The following DCHS2 variants were observed in gnomAD, a reference collection of about 807,000 sequenced individuals.
The protein encoded by DCHS2 is dachsous cadherin-related 2, also known as protocadherin-23.
In DCHS2, 142 loss-of-function variants were observed where a neutral mutation model predicts 182.4. The ratio of observed to expected loss-of-function variants is 0.78; its 90% confidence interval spans 0.68 to 0.89. The LOEUF is 0.89. DCHS2 is among the 40% of genes least tolerant of loss of function. The pLI is 0.00. For missense variants in DCHS2, 4,319 were observed against 4,198.6 expected (o/e 1.03, Z -0.79); for synonymous variants, 1,740 against 1,663.3 (o/e 1.05, Z -1.12).
chr4:154,461,591 T>C (rs1735011165), intron 1 of DCHS2, among the ~76,000 whole-genome samples: 1 of 152,120 alleles, frequency 6.6e-6, no homozygotes, highest in Non-Finnish European at 1.5e-5. Context: ...AGATCATAAC[T>C]TAGAATAGAA....
In DCHS2 at chr4:154,234,804, G is replaced by A; in HGVS notation, c.9848C>T (p.Ala3283Val). ...SFVFPPPLIT[A>V]VAQPGIKAVP... ...TGCTTTAATCCCAGGCTGGGCTACT[G>A]CTGTTATCAAAGGGGGTGGAAAAAC... The change falls in exon 20 of 20, where the codon GCA becomes GTA. Residue 3283 changes from alanine (A) to valine (V), a missense_variant. Ala to Val is a moderately conservative substitution (Grantham distance 64, BLOSUM62 0). Transcript: ENST00000357232. The A allele has an allele frequency of 2.5e-6, 4 of 1,614,032 alleles. No individual in the cohort carries two copies. The highest frequency in any genetic ancestry group is 2.5e-6 in the Non-Finnish European group (3 of 1,179,948).
At chr4:154,246,616 G>T (rs1469109665) in intron 16 of DCHS2, among the ~76,000 whole-genome samples, 1 of 151,982 alleles carries the variant, frequency 6.6e-6, no homozygotes, top group African/African-American at 2.4e-5. Flanking sequence ...AGGAACAAAA[G>T]AAAATTTAAA....
At chr4:154,467,186 A>T (rs1410266311) in intron 1 of DCHS2, among the ~76,000 whole-genome samples, 1 of 152,204 alleles carries the variant, frequency 6.6e-6, no homozygotes, top group African/African-American at 2.4e-5. Flanking sequence ...AAATCCATTT[A>T]TATGTTTATG....
At chr4:154,307,620 G>T (rs1735499321) in intron 10 of DCHS2, among the ~76,000 whole-genome samples, 2 of 152,144 alleles carry the variant, frequency 1.3e-5, no homozygotes, top group African/African-American at 4.8e-5. Flanking sequence ...AGGTCCTGGG[G>T]CTTTCTGCCA....
chr4:154,415,104 T>C (rs1732781901), intron 1 of DCHS2, among the ~76,000 whole-genome samples: 1 of 152,232 alleles, frequency 6.6e-6, no homozygotes, highest in South Asian at 2.1e-4. Flanking sequence ...CAGTATCATT[T>C]AGTTATACTA....
At chr4:154,334,358 A>G (rs1728676168) in intron 4 of DCHS2, 2 of 154,362 alleles carry the variant, frequency 1.3e-5, no homozygotes, top group African/African-American at 2.4e-5. Flanking sequence ...CTCAAGTACT[A>G]TTTGGACTAG....
Position 154,490,045 on chromosome 4 carries a change from A to G in DCHS2, c.1311T>C (p.Ala437=). The G allele has an allele frequency of 1.3e-6, 2 of 1,547,834 alleles. No individual in the cohort carries two copies. The highest frequency in any genetic ancestry group is 1.7e-6 in the Non-Finnish European group (2 of 1,146,802). The change falls in exon 1 of 20, where the codon GCT becomes GCC. Residue 437 remains alanine (A), a synonymous_variant. Coordinates refer to ENST00000357232, the MANE Select transcript of DCHS2 (RefSeq NM_001358235.2). ...SEGARPGDYV[A]RVSVSDADGD... Reference sequence around the variant, plus strand: ...CGTCCGCGTCAGACACCGAGACGCGAGCCACGTAGTCGCCCGGTCGGGCGC... The same window carrying G: ...CGTCCGCGTCAGACACCGAGACGCGGGCCACGTAGTCGCCCGGTCGGGCGC...
chr4:154,328,104 G>A lies in DCHS2; in HGVS notation c.4007C>T (p.Ser1336Leu). 1 of 1,600,592 alleles carries A rather than the reference G, an allele frequency of 6.2e-7. No individual in the cohort carries two copies. Among genetic ancestry groups the A allele is most frequent in the Non-Finnish European group, 8.5e-7 (1 of 1,173,366 alleles). ...DEGNNAEVTYSVSSEDSSDHF... is the reference protein window; with the variant it reads ...DEGNNAEVTYLVSSEDSSDHF... ...ACAGTAAGTTTTACCTGAAGATACT[G>A]AGTATGTAACTTCTGCATTATTTCC... is the stretch of plus-strand genomic sequence containing the variant. Residue 1336 changes from serine (S) to leucine (L), a missense_variant, in exon 7 of 20, where the codon TCA becomes TTA. Ser to Leu is a moderately radical substitution (Grantham distance 145). Coordinates refer to ENST00000357232, the MANE Select transcript of DCHS2 (RefSeq NM_001358235.2).
chr4:154,255,368 G>T, intron 16 of DCHS2, 151 bp downstream of exon 16: 5 of 1,119,460 alleles, frequency 4.5e-6, no homozygotes, highest in Non-Finnish European at 5.9e-6. Flanking sequence ...ATATCAAAAA[G>T]AGTAGATCAA....
rs115278089 is a variant in DCHS2 at position 154,462,437 on chromosome 4, G to T, written c.2052+26867C>A. Among the ~76,000 whole-genome samples the T allele has an allele frequency of 3.2e-3, 487 of 152,264 alleles. 1 individual carries two copies. The highest frequency in any genetic ancestry group is 0.01 in the Middle Eastern group (3 of 294). On this transcript the variant is annotated intron_variant, in intron 1 of 19. Coordinates refer to ENST00000357232, the MANE Select transcript of DCHS2 (RefSeq NM_001358235.2). ...TGCTCATCACAAACATGTAAGGTAG[G>T]TAAGAAAGATGGCGTCATTATTTAT...
intron 16 of DCHS2, 66 bp from the exon 17 acceptor site, chr4:154,242,838 T>A: frequency 6.6e-7 from 1 of 1,519,244 alleles, no homozygotes; most frequent in Non-Finnish European, 8.8e-7. Flanking sequence ...AACATAAATA[T>A]CAAATATCTA....
chr4:154,334,764 T>A, intron 4 of DCHS2, 104 bp downstream of exon 4: 1 of 891,532 alleles, frequency 1.1e-6, no homozygotes, highest in Non-Finnish European at 1.8e-6. Context: ...TGTTTTGACT[T>A]GCGTGGAAAG....
At chr4:154,432,063 C>A (rs1733581283) in intron 1 of DCHS2, among the ~76,000 whole-genome samples, 1 of 152,158 alleles carries the variant, frequency 6.6e-6, no homozygotes, top group South Asian at 2.1e-4. Context: ...GTTAATACAA[C>A]CACCCTTACT....
chr4:154,337,396 C>T (rs1728861758), intron 3 of DCHS2, among the ~76,000 whole-genome samples: 1 of 152,256 alleles, frequency 6.6e-6, no homozygotes, highest in East Asian at 1.9e-4. Flanking sequence ...TTCCTGCATC[C>T]CGACTGACTC....
In DCHS2 at chr4:154,236,784, A is replaced by G; in HGVS notation, c.7868T>C (p.Leu2623Pro). ...QVGYLVLLHS[L>P]DREASASHEL... ...ATGGCTAGCACTTGCTTCTCTGTCCAGACTGTGAAGCAACACAAGATAACC... is the reference window on the plus strand; with the variant it reads ...ATGGCTAGCACTTGCTTCTCTGTCCGGACTGTGAAGCAACACAAGATAACC... Residue 2623 changes from leucine to proline, a missense_variant, in exon 20 of 20, where the codon CTG becomes CCG. Physicochemically the swap from Leu to Pro is moderately conservative, Grantham distance 98. Transcript: ENST00000357232. The G allele has an allele frequency of 6.2e-7, 1 of 1,614,022 alleles. No homozygotes were observed. The highest frequency in any genetic ancestry group is 8.5e-7 in the Non-Finnish European group (1 of 1,179,966).
At chr4:154,385,059 T>C (rs1366372230) in intron 1 of DCHS2, among the ~76,000 whole-genome samples, 1 of 149,892 alleles carries the variant, frequency 6.7e-6, no homozygotes, top group Non-Finnish European at 1.5e-5. Flanking sequence ...TATCTTCTAA[T>C]GCTATCCCTT....
In DCHS2 at chr4:154,273,369, C is replaced by T. The variant is rs972652885; in HGVS notation, c.6464-3356G>A. Among the ~76,000 whole-genome samples, 3 of 152,090 alleles carry T rather than the reference C, an allele frequency of 2.0e-5. No individual in the cohort carries two copies. In the South Asian group the frequency reaches 6.2e-4, roughly 32 times the overall value. On this transcript the variant is annotated intron_variant, in intron 13 of 19. Transcript: ENST00000357232. ...AGTAACTCAGGAATGGAAAACCAAACATTGTGTATTCTCATTCGTATGTGG... is the reference window on the plus strand; with the variant it reads ...AGTAACTCAGGAATGGAAAACCAAATATTGTGTATTCTCATTCGTATGTGG...
chr4:154,375,076 A>T (rs368720167), intron 2 of DCHS2, among the ~76,000 whole-genome samples: 5 of 152,166 alleles, frequency 3.3e-5, no homozygotes, highest in Non-Finnish European at 7.4e-5. Context: ...TGTTGCTAGC[A>T]CTAAGGTGGA....
chr4:154,351,760 G>T (rs185553151), intron 3 of DCHS2, among the ~76,000 whole-genome samples: 2 of 152,020 alleles, frequency 1.3e-5, no homozygotes, highest in African/African-American at 4.8e-5. Flanking sequence ...TTCATAATAG[G>T]GTTAGTGCTC....
Sources: allele counts gnomAD v4.1 joint callset (sites outside exome capture counted in the v4.1 genomes callset), GRCh38; gene constraint gnomAD v4.1.1; transcripts MANE v1.5; gene names NCBI Gene and HGNC (gene_info 2026-07-23, HGNC 2026-07-21).